WDR70: variants seen among roughly 807,000 people sequenced by gnomAD.
WDR70 encodes WD repeat domain 70.
WDR70 carries 53 observed loss-of-function variants against 88.6 expected under a neutral mutation model. The ratio of observed to expected loss-of-function variants is 0.60; its 90% CI spans 0.48 to 0.75. WDR70 has a LOEUF of 0.75. Ranked by LOEUF, WDR70 falls within the 30% of genes least tolerant of loss-of-function variation. The probability of loss-of-function intolerance (pLI) is 0.00; values close to 1 mark genes in which losing one functional copy is unlikely to be tolerated. For missense variants in WDR70, 610 were observed against 823.2 expected (o/e 0.74, Z 3.17); for synonymous variants, 280 against 270.0 (o/e 1.04, Z -0.36).
intron 17 of WDR70, among the ~76,000 whole-genome samples, chr5:37,732,008 G>A (rs938944569): frequency 2.6e-5 from 4 of 152,130 alleles, no homozygotes; most frequent in Non-Finnish European, 4.4e-5. Flanking sequence ...TTTGATAAAG[G>A]AGTAACTTCA....
intron 7 of WDR70, among the ~76,000 whole-genome samples, chr5:37,473,344 T>C (rs1224362333): frequency 0.061 from 1,353 of 22,066 alleles, 27 homozygotes; most frequent in African/African-American, 0.071. Flanking sequence ...ATTCATATTC[T>C]TTTTTTTTTT....
chr5:37,673,116 T>C (rs555928109), intron 10 of WDR70, among the ~76,000 whole-genome samples: 144 of 152,278 alleles, frequency 9.5e-4, no homozygotes, highest in Admixed American at 4.1e-3. Context: ...TGTGTTCTCA[T>C]CATTTAGCTC....
rs771823659 is a variant in WDR70, at chr5:37,443,240, T to G, written c.554T>G (p.Val185Gly). ...EITLKHGTKT[V>G]SALGLDPSGA... is the part of the protein sequence containing the mutation. ...TTTATTTTATTTTTTTAAAACCAGGTGTCTGCTTTGGGTCTGGATCCCTCA... is the reference window on the plus strand; with the variant it reads ...TTTATTTTATTTTTTTAAAACCAGGGGTCTGCTTTGGGTCTGGATCCCTCA... The change falls in exon 7 of 18, where the codon GTG becomes GGG. Residue 185 changes from valine (V) to glycine (G), a missense_variant and splice_region_variant. Physicochemically the swap from Val to Gly is moderately radical, Grantham distance 109. Around this residue, in one of 4 missense-constraint regions of WDR70, gnomAD observed 203 missense variants for 228.1 expected, o/e 0.89. Coordinates refer to ENST00000265107, the MANE Select transcript of WDR70 (RefSeq NM_018034.4). The G allele has an allele frequency of 6.2e-7, 1 of 1,608,910 alleles. No homozygotes were observed. Among genetic ancestry groups the G allele is most frequent in the East Asian group, 2.2e-5 (1 of 44,822 alleles).
At chr5:37,597,575 A>G (rs1423629292) in intron 9 of WDR70, among the ~76,000 whole-genome samples, 1 of 152,098 alleles carries the variant, frequency 6.6e-6, no homozygotes, top group Non-Finnish European at 1.5e-5. Flanking sequence ...AGCTTTTTAG[A>G]TATTCTGGAT....
rs1474507780 is a variant in WDR70, at chr5:37,467,233, A to AC, written c.687-12601_687-12600insC. On this transcript the variant is annotated intron_variant, in intron 7 of 17. Coordinates refer to ENST00000265107, the MANE Select transcript of WDR70 (RefSeq NM_018034.4). ...CAGAATGAGACTCTGTCTCAAAAAA[A>AC]AAAAAACAAAAAAAGAAAAAACAAG... Among the ~76,000 whole-genome samples, 226 of 151,476 alleles carry AC rather than the reference A, an allele frequency of 1.5e-3. 4 individuals are homozygous for AC. The highest frequency in any genetic ancestry group is 5.3e-3 in the African/African-American group (218 of 41,380).
At chr5:37,402,734 T>C (rs759049005) in intron 5 of WDR70, among the ~76,000 whole-genome samples, 6 of 152,062 alleles carry the variant, frequency 3.9e-5, no homozygotes, top group African/African-American at 1.4e-4. Context: ...TTTTGAATAC[T>C]AGGTCTTATT....
intron 7 of WDR70, among the ~76,000 whole-genome samples, chr5:37,472,499 T>C (rs899396142): frequency 6.6e-6 from 1 of 152,012 alleles, no homozygotes; most frequent in African/African-American, 2.4e-5. Flanking sequence ...AAGTGTACAA[T>C]TGATTGATTA....
chr5:37,447,667 C>A (rs1303201995), intron 7 of WDR70, among the ~76,000 whole-genome samples: 1 of 152,148 alleles, frequency 6.6e-6, no homozygotes, highest in African/African-American at 2.4e-5. Flanking sequence ...AACCATCATT[C>A]TCAACAAACT....
chr5:37,592,669 C>A (rs1561914750), intron 9 of WDR70, among the ~76,000 whole-genome samples: 1 of 152,128 alleles, frequency 6.6e-6, no homozygotes, highest in Non-Finnish European at 1.5e-5. Context: ...GATGTTCAAT[C>A]TGAAATACAC....
chr5:37,723,120 G>C, intron 15 of WDR70, 186 bp downstream of exon 15: 1 of 633,458 alleles, frequency 1.6e-6, no homozygotes, highest in Non-Finnish European at 2.7e-6. Flanking sequence ...ACTCATCACA[G>C]GGACAGGGTT....
chr5:37,445,159 C>T (rs1738417506), intron 7 of WDR70, among the ~76,000 whole-genome samples: 1 of 152,104 alleles, frequency 6.6e-6, no homozygotes, highest in Non-Finnish European at 1.5e-5. Context: ...CTTCAGATGG[C>T]ATGTATTGTC....
At chr5:37,515,199 A>G (rs1297109237) in intron 8 of WDR70, among the ~76,000 whole-genome samples, 2 of 152,188 alleles carry the variant, frequency 1.3e-5, no homozygotes, top group Non-Finnish European at 2.9e-5. Context: ...TAGAATTGTC[A>G]AGAATAGCTG....
In WDR70 at chr5:37,379,465, G is replaced by A. The variant is rs181030055; in HGVS notation, c.26-24G>A. The A allele has an allele frequency of 5.7e-5, 92 of 1,613,940 alleles. No individual in the cohort carries two copies. The East Asian group carries it at 1.6e-3, about 28-fold the overall frequency. On this transcript the variant is annotated intron_variant, in intron 1 of 17. Coordinates refer to ENST00000265107, the MANE Select transcript of WDR70 (RefSeq NM_018034.4). Reference sequence around the variant, plus strand: ...GCTGGGGCGCCGCACTAACTAGGCCGCCTCTCTTTTCCTCTTGCTCCAGTG... The same window carrying A: ...GCTGGGGCGCCGCACTAACTAGGCCACCTCTCTTTTCCTCTTGCTCCAGTG...
intron 8 of WDR70, among the ~76,000 whole-genome samples, chr5:37,487,978 A>T (rs1739943580): frequency 6.6e-6 from 1 of 151,604 alleles, no homozygotes; most frequent in Admixed American, 6.6e-5. Context: ...CATTTCTTGT[A>T]GGCCTGGCCT....
rs1744004792 is a variant in WDR70, at chr5:37,605,281, T to A, written c.1092+43T>A. On this transcript the variant is annotated intron_variant, in intron 10 of 17. Coordinates refer to ENST00000265107, the MANE Select transcript of WDR70 (RefSeq NM_018034.4). ...TTAGAACATGGCCACCTTAAATCTT[T>A]CCTTAGAAGATGGCCACCTTACAAA... 2.6e-6 allele frequency: 4 copies of A among 1,534,778 alleles called. No individual in the cohort carries two copies. The South Asian group carries it at 5.2e-5, about 20-fold the overall frequency.
rs867430676 is a variant in WDR70 at position 37,563,550 on chromosome 5, G to A, written c.918-41514G>A. Among the ~76,000 whole-genome samples, 8 of 59,056 alleles carry A rather than the reference G, an allele frequency of 1.4e-4. 1 individual carries two copies. Among genetic ancestry groups the A allele is most frequent in the Non-Finnish European group, 1.8e-4 (5 of 27,668 alleles). The allele number at this position is 59,056 out of a possible 152,430, so 38.7% of individuals were successfully genotyped here. On this transcript the variant is annotated intron_variant, in intron 9 of 17. Coordinates refer to ENST00000265107, the MANE Select transcript of WDR70 (RefSeq NM_018034.4). Reference sequence around the variant, plus strand: ...TCCCGGATGGGGCGGCTGGCCGGGCGGGGGGCTGACCCCCCCCCACCTCCC... The same window carrying A: ...TCCCGGATGGGGCGGCTGGCCGGGCAGGGGGCTGACCCCCCCCCACCTCCC...
At position 37,639,504 on chromosome 5, in the gene WDR70, T is replaced by C. The variant is rs114974677; in HGVS notation, c.1092+34266T>C. Among the ~76,000 whole-genome samples, 1,233 of 152,300 alleles carry C rather than the reference T, an allele frequency of 8.1e-3. 19 individuals are homozygous for C. The highest frequency in any genetic ancestry group is 0.028 in the African/African-American group (1,170 of 41,558). On this transcript the variant is annotated intron_variant, in intron 10 of 17. Coordinates refer to ENST00000265107, the MANE Select transcript of WDR70 (RefSeq NM_018034.4). The stretch of plus-strand genomic sequence containing the variant: ...GAACCTTACTTATGCATGAATGTTT[T>C]TATATCTTAATTCCTTTGTTGTTGT...
At chr5:37,480,792 A>C (rs1376515765) in intron 8 of WDR70, among the ~76,000 whole-genome samples, 1 of 152,088 alleles carries the variant, frequency 6.6e-6, no homozygotes, top group African/African-American at 2.4e-5. Context: ...AAGTCCCCCA[A>C]ACTCTTATTT....
At chr5:37,727,358 C>T (rs182805046) in intron 17 of WDR70, among the ~76,000 whole-genome samples, 16 of 152,140 alleles carry the variant, frequency 1.1e-4, no homozygotes, top group African/African-American at 3.4e-4. Context: ...TCTTAGTTGA[C>T]GAGGGTTAAA....
Sources: gnomAD v4.1 joint callset for allele counts (sites outside exome capture counted in the v4.1 genomes callset) on GRCh38, gnomAD v4.1.1 for gene constraint, gnomAD v4.1.1 regional missense constraint, MANE v1.5 for transcripts, NCBI Gene and HGNC (gene_info 2026-07-23, HGNC 2026-07-21) for gene names.